Variants in ATOH8 observed in about 807,000 individuals in gnomAD.
ATOH8 encodes transcription factor ATOH8.
A neutral mutation model predicts 21.2 loss-of-function variants in ATOH8; 9 were observed. The observed-to-expected ratio is 0.42, with a 90% CI of 0.26 to 0.74. The LOEUF (loss-of-function observed/expected upper bound fraction) is 0.74. ATOH8 is among the 30% of genes least tolerant of loss of function. The probability of loss-of-function intolerance (pLI) is 0.24; values close to 1 mark genes in which losing one functional copy is unlikely to be tolerated. For synonymous variants in ATOH8, 253 were observed against 224.0 expected (o/e 1.13, Z -1.16); for missense variants, 524 against 470.9 (o/e 1.11, Z -1.04).
chr2:85,759,181 C>A (rs1679796239), intron 1 of ATOH8, among the ~76,000 whole-genome samples: 1 of 152,114 alleles, frequency 6.6e-6, no homozygotes, highest in Non-Finnish European at 1.5e-5. Flanking sequence ...GGAATGGTGC[C>A]CTCAGCACCT....
In ATOH8 at chr2:85,789,107, A is replaced by G. The variant is rs1248873449; in HGVS notation, c.*2217A>G. Among the ~76,000 whole-genome samples, 1 of 152,186 alleles carries G rather than the reference A, an allele frequency of 6.6e-6. No homozygotes were observed. Among genetic ancestry groups the G allele is most frequent in the Non-Finnish European group, 1.5e-5 (1 of 68,024 alleles). On this transcript the variant is annotated 3_prime_UTR_variant, in exon 3 of 3. Transcript: ENST00000306279. ...CATCAAACTGTTGACATAGAAGACC[A>G]TTTCTATTACCAAAGGGAGTGTACC...
In ATOH8 at chr2:85,785,327, C is replaced by T. The variant is rs532205932; in HGVS notation, c.961-1558C>T. 5.2e-4 allele frequency among the ~76,000 whole-genome samples: 79 copies of T among 152,390 alleles called. 2 individuals are homozygous for T. The highest frequency in any genetic ancestry group is 4.6e-3 in the Admixed American group (71 of 15,308). ...GCTTCTTAATCCTCCTCCTCAGACT[C>T]GGTAACACAAAGCAGATTCCTGCTG... On this transcript the variant is annotated intron_variant, in intron 2 of 2. Transcript: ENST00000306279. This position sits in a 1 kb window ranked among gnomAD's most constrained non-coding sequence, Gnocchi z 4.1.
At chr2:85,764,267 A>G (rs1679945694) in intron 2 of ATOH8, 85 bp downstream of exon 2, 1 of 1,527,986 alleles carries the variant, frequency 6.5e-7, no homozygotes, top group East Asian at 2.3e-5. Context: ...GCCTATGCCC[A>G]GAATTCTGAA....
rs560617504 is a variant in ATOH8, at chr2:85,779,285, C to T, written c.961-7600C>T. Reference sequence around the variant, plus strand: ...CCAGCTCGACCCTCACAATGCCCCACGCTGGGGGTGAGCTGGGGTGGGGGG... The same window carrying T: ...CCAGCTCGACCCTCACAATGCCCCATGCTGGGGGTGAGCTGGGGTGGGGGG... On this transcript the variant is annotated intron_variant, in intron 2 of 2. Coordinates refer to ENST00000306279, the MANE Select transcript of ATOH8 (RefSeq NM_032827.7). Among the ~76,000 whole-genome samples the T allele has an allele frequency of 7.2e-5, 11 of 152,362 alleles. No homozygotes were observed. In the South Asian group the frequency reaches 8.3e-4, roughly 11 times the overall value.
intron 2 of ATOH8, chr2:85,773,569 G>GT (rs909361774): frequency 7.2e-5 from 11 of 152,318 alleles, no homozygotes; most frequent in African/African-American, 2.7e-4. Context: ...GGTACTGGGA[G>GT]TTTCCCCTTT....
chr2:85,776,821 T>G (rs1446887604), intron 2 of ATOH8, among the ~76,000 whole-genome samples: 2 of 152,132 alleles, frequency 1.3e-5, no homozygotes, highest in African/African-American at 4.8e-5. Flanking sequence ...GTGAGCCGTT[T>G]GGAGCCCACC....
At chr2:85,774,673 C>T in intron 2 of ATOH8, 2 of 985,448 alleles carry the variant, frequency 2.0e-6, no homozygotes, top group Non-Finnish European at 2.4e-6. Flanking sequence ...CTTAGCTCCC[C>T]TAAGGCCTAG....
In ATOH8 at chr2:85,786,622, C is replaced by G. The variant is rs562504505; in HGVS notation, c.961-263C>G. 3.6e-3 allele frequency among the ~76,000 whole-genome samples: 544 copies of G among 152,310 alleles called. 6 individuals are homozygous for G. The highest frequency in any genetic ancestry group is 0.012 in the African/African-American group (518 of 41,564). The stretch of plus-strand genomic sequence containing the variant: ...CCCGAGCTTCCAGCGGCCCTGGCTC[C>G]CACTACCCACTGTGGTCCTCTTCTT... On this transcript the variant is annotated intron_variant, in intron 2 of 2. Coordinates refer to ENST00000306279, the MANE Select transcript of ATOH8 (RefSeq NM_032827.7).
intron 2 of ATOH8, 57 bp from the exon 3 acceptor site, chr2:85,786,828 A>G: frequency 6.2e-7 from 1 of 1,613,138 alleles, no homozygotes; most frequent in Non-Finnish European, 8.5e-7. Context: ...GCAGCTGTCC[A>G]GAAACAGGAA....
intron 2 of ATOH8, among the ~76,000 whole-genome samples, chr2:85,772,403 C>T (rs1288155208): frequency 6.6e-6 from 1 of 152,226 alleles, no homozygotes. Context: ...CCCGCCCGGC[C>T]GCCGCGGCCC....
intron 1 of ATOH8, 130 bp from the exon 2 acceptor site, chr2:85,763,861 C>G: frequency 1.4e-5 from 6 of 435,416 alleles, no homozygotes; most frequent in East Asian, 4.0e-5. Flanking sequence ...TGTGTGTAAA[C>G]AGCAGGTGCG....
rs1679639612 is a variant in ATOH8, at chr2:85,754,934, G to A, written c.745G>A (p.Ala249Thr). ...GACGCGGGTGCACACCATCAGCGCA[G>A]CCTTCGAGGCGCTCAGGAAGCAGGT... Reference protein sequence around the residue: ...ERTRVHTISAAFEALRKQVPC... With the variant: ...ERTRVHTISATFEALRKQVPC... Residue 249 changes from alanine to threonine, a missense_variant, in exon 1 of 3, where the codon GCC (alanine) becomes ACC (threonine). Physicochemically the swap from Ala to Thr is moderately conservative, Grantham distance 58 (BLOSUM62 0). Coordinates refer to ENST00000306279, the MANE Select transcript of ATOH8 (RefSeq NM_032827.7). 3 of 1,597,652 alleles carry A rather than the reference G, an allele frequency of 1.9e-6. No homozygotes were observed. The highest frequency in any genetic ancestry group is 2.6e-6 in the Non-Finnish European group (3 of 1,175,336).
chr2:85,781,611 C>T (rs1680494764), intron 2 of ATOH8, among the ~76,000 whole-genome samples: 2 of 150,398 alleles, frequency 1.3e-5, no homozygotes, highest in South Asian at 2.1e-4. Flanking sequence ...GATGGTGGCT[C>T]ACATCTGTAA....
chr2:85,765,697 C>T (rs973282374), intron 2 of ATOH8, among the ~76,000 whole-genome samples: 1 of 152,182 alleles, frequency 6.6e-6, no homozygotes, highest in Non-Finnish European at 1.5e-5. Flanking sequence ...CCTCACTGCC[C>T]TACCCCCGCA....
intron 2 of ATOH8, among the ~76,000 whole-genome samples, chr2:85,786,537 G>A (rs941925185): frequency 1.3e-4 from 20 of 152,168 alleles, no homozygotes; most frequent in African/African-American, 2.4e-4. Flanking sequence ...GGGTGGGGAC[G>A]GGCCTCTGAG....
rs1679629246 is a variant in ATOH8 at position 85,754,757 on chromosome 2, A to T, written c.568A>T (p.Ser190Cys). 7 of 1,612,754 alleles carry T rather than the reference A, an allele frequency of 4.3e-6. No individual in the cohort carries two copies. The highest frequency in any genetic ancestry group is 5.9e-6 in the Non-Finnish European group (7 of 1,179,820). The change falls in exon 1 of 3, where the codon AGT becomes TGT. Residue 190 changes from serine to cysteine, a missense_variant. Ser to Cys is a moderately radical substitution (Grantham distance 112). Coordinates refer to ENST00000306279, the MANE Select transcript of ATOH8 (RefSeq NM_032827.7). ...TGCGCCCCCGACGCGCCCCGGGGAAAGTTCCTACTCGTCAATTTCACACGT... is the reference window on the plus strand; with the variant it reads ...TGCGCCCCCGACGCGCCCCGGGGAATGTTCCTACTCGTCAATTTCACACGT... Reference protein sequence around the residue: ...RPAPPTRPGESSYSSISHVIY... With the variant: ...RPAPPTRPGECSYSSISHVIY...
chr2:85,778,905 G>T (rs183767836), intron 2 of ATOH8, among the ~76,000 whole-genome samples: 27 of 150,956 alleles, frequency 1.8e-4, no homozygotes, highest in Admixed American at 1.6e-3. Context: ...TTCTCGTGTG[G>T]CTGGGCCACC....
chr2:85,755,715 C>T (rs979501167), intron 1 of ATOH8, among the ~76,000 whole-genome samples: 4 of 152,066 alleles, frequency 2.6e-5, no homozygotes, highest in African/African-American at 4.8e-5. Context: ...AGTGCCCCTG[C>T]GCAGGTAGCG....
At chr2:85,755,074 C>T in intron 1 of ATOH8, 117 bp downstream of exon 1, 1 of 1,355,418 alleles carries the variant, frequency 7.4e-7, no homozygotes. Context: ...CCGCCCGGTC[C>T]GACCCTGGTG....
Sources: allele counts gnomAD v4.1 joint callset (sites outside exome capture counted in the v4.1 genomes callset), GRCh38; gene constraint gnomAD v4.1.1; non-coding constraint Gnocchi (gnomAD v3.1); transcripts MANE v1.5; gene names NCBI Gene and HGNC (gene_info 2026-07-23, HGNC 2026-07-21).